RBL1: variants seen among roughly 807,000 people sequenced by gnomAD.
RBL1 encodes the protein RB transcriptional corepressor like 1.
A neutral mutation model predicts 123.0 loss-of-function variants in RBL1; 82 were observed. That is an observed-to-expected ratio of 0.67 (90% CI 0.56 to 0.80). The LOEUF (loss-of-function observed/expected upper bound fraction) is 0.80, where lower values mean the gene tolerates loss of function less well. Among genes scored for constraint, RBL1 ranks in the 30% least tolerant of loss-of-function variants. The pLI is 0.00. For synonymous variants in RBL1, 405 were observed against 441.3 expected (o/e 0.92, Z 1.03); for missense variants, 1,171 against 1,299.6 (o/e 0.90, Z 1.52).
chr20:37,077,113 GT>G (rs1389853725), intron 2 of RBL1, among the ~76,000 whole-genome samples: 1 of 151,836 alleles, frequency 6.6e-6, no homozygotes, highest in Admixed American at 6.6e-5. Context: ...ATTTTTTGTA[GT>G]TTTAGAGAGA....
At chr20:37,040,535 G>A (rs1486393557) in intron 13 of RBL1, among the ~76,000 whole-genome samples, 7 of 151,816 alleles carry the variant, frequency 4.6e-5, no homozygotes, top group Non-Finnish European at 8.8e-5. Flanking sequence ...GTATTTTTAG[G>A]AGAGACGAGG....
intron 13 of RBL1, among the ~76,000 whole-genome samples, chr20:37,041,637 T>A (rs1224573186): frequency 6.6e-6 from 1 of 152,166 alleles, no homozygotes; most frequent in African/African-American, 2.4e-5. Flanking sequence ...TTTTTATTTT[T>A]TAATTCTGAA....
In RBL1 at chr20:37,042,907, C is replaced by CAAAAAA. The variant is rs1245245162; in HGVS notation, c.1770+1173_1770+1178dup. ...GAGTGAGATCTTGTCCCCCCCCCTC[C>CAAAAAA]AAAAAAAAAAAAAAAAAAGTCAAAA... On this transcript the variant is annotated intron_variant, in intron 13 of 21. Transcript: ENST00000373664. Among the ~76,000 whole-genome samples, 2 of 53,320 alleles carry CAAAAAA rather than the reference C, an allele frequency of 3.8e-5. 1 individual carries two copies. The allele number at this position is 53,320 out of a possible 152,430, so 35.0% of individuals were successfully genotyped here. A position where few individuals can be genotyped will look rare whatever the true frequency, so the allele number is the denominator to read the frequency against.
intron 11 of RBL1, 137 bp from the exon 12 acceptor site, chr20:37,047,327 G>C (rs1328023898): frequency 2.9e-6 from 3 of 1,027,300 alleles, no homozygotes; most frequent in South Asian, 3.9e-5. Context: ...AAAAATTTGA[G>C]TTCTCAAATT....
At chr20:37,054,513 T>C (rs1366881878) in intron 11 of RBL1, among the ~76,000 whole-genome samples, 1 of 150,750 alleles carries the variant, frequency 6.6e-6, no homozygotes, top group Non-Finnish European at 1.5e-5. Flanking sequence ...TTAAAAAAAT[T>C]AAAATAAATA....
chr20:37,014,258 T>G (rs1402701688), intron 19 of RBL1, among the ~76,000 whole-genome samples: 1 of 152,006 alleles, frequency 6.6e-6, no homozygotes, highest in African/African-American at 2.4e-5. Flanking sequence ...AAAAAATTTT[T>G]TGTAGCAATA....
At chr20:37,050,444 C>T (rs2064889511) in intron 11 of RBL1, among the ~76,000 whole-genome samples, 1 of 142,662 alleles carries the variant, frequency 7.0e-6, no homozygotes, top group African/African-American at 2.6e-5. Context: ...ACTTGGGAGG[C>T]TGAGGCAGGA....
At chr20:37,070,775 G>A (rs6103479) in intron 2 of RBL1, among the ~76,000 whole-genome samples, 4,352 of 151,958 alleles carry the variant, frequency 0.029, 148 homozygotes, top group African/African-American at 0.082. Context: ...GCAAGCCACC[G>A]TGCCCAGGCC....
intron 19 of RBL1, among the ~76,000 whole-genome samples, chr20:37,010,888 G>A (rs2064138928): frequency 1.3e-5 from 2 of 152,082 alleles, no homozygotes; most frequent in Non-Finnish European, 1.5e-5. Context: ...CAATCATAGT[G>A]CACTCCAATC....
At chr20:37,013,423 T>C (rs1223983640) in intron 19 of RBL1, among the ~76,000 whole-genome samples, 1 of 151,042 alleles carries the variant, frequency 6.6e-6, no homozygotes. Flanking sequence ...CACTCCCTAA[T>C]CTCAAGTACC....
At chr20:37,046,147 A>C (rs1286961071) in intron 12 of RBL1, among the ~76,000 whole-genome samples, 1 of 152,238 alleles carries the variant, frequency 6.6e-6, no homozygotes, top group East Asian at 1.9e-4. Context: ...AACTTGGGGA[A>C]GAAGCATAAT....
At chr20:37,046,239 T>C (rs2064817327) in intron 12 of RBL1, among the ~76,000 whole-genome samples, 1 of 152,196 alleles carries the variant, frequency 6.6e-6, no homozygotes, top group African/African-American at 2.4e-5. Flanking sequence ...GCGTTTTTTG[T>C]TCTTCATCAT....
In RBL1 at chr20:37,067,980, G is replaced by A; in HGVS notation, c.491+6C>T. On this transcript the variant is annotated splice_donor_region_variant and intron_variant, in intron 3 of 21. Transcript: ENST00000373664. Reference sequence around the variant, plus strand: ...TATGTCAATTATATAAGGATTAAGGGCTCACCTCTGCTTCCGGCTTCGTGG... The same window carrying A: ...TATGTCAATTATATAAGGATTAAGGACTCACCTCTGCTTCCGGCTTCGTGG... 6.2e-7 allele frequency: 1 copy of A among 1,612,736 alleles called. No individual in the cohort carries two copies. Among genetic ancestry groups the A allele is most frequent in the East Asian group, 2.2e-5 (1 of 44,830 alleles).
Position 37,035,321 on chromosome 20 carries a change from TA to T in RBL1, c.2090del (p.Leu697TyrfsTer7). On this transcript the variant is annotated frameshift_variant, in exon 15 of 22. Transcript: ENST00000373664. LOFTEE classifies it high-confidence loss of function. The stretch of plus-strand genomic sequence containing the variant: ...CCATTGTTAGAAGAGTTTGACCAGG[TA>T]AAATTGATACATTTTCAGCAGTAAT... ...SSITAENVSI[L>X]PGQTLLTMAT... The T allele has an allele frequency of 6.2e-7, 1 of 1,614,064 alleles. No individual in the cohort carries two copies. The highest frequency in any genetic ancestry group is 8.5e-7 in the Non-Finnish European group (1 of 1,179,926).
intron 14 of RBL1, among the ~76,000 whole-genome samples, chr20:37,037,410 T>C (rs886404797): frequency 6.6e-6 from 1 of 152,176 alleles, no homozygotes; most frequent in Non-Finnish European, 1.5e-5. Context: ...AGTTATAAAT[T>C]ATATGAGAGG....
chr20:37,035,523 T>C lies in RBL1; in HGVS notation c.1904-15A>G. 1 of 1,523,440 alleles carries C rather than the reference T, an allele frequency of 6.6e-7. No individual in the cohort carries two copies. The highest frequency in any genetic ancestry group is 8.8e-7 in the Non-Finnish European group (1 of 1,135,210). 94.4% of individuals were successfully genotyped at this position (1,523,440 alleles called of 1,614,324 possible). A position where few individuals can be genotyped will look rare whatever the true frequency, so the allele number is the denominator to read the frequency against. On this transcript the variant is annotated splice_polypyrimidine_tract_variant and intron_variant, in intron 14 of 21. Coordinates refer to ENST00000373664, the MANE Select transcript of RBL1 (RefSeq NM_002895.5). Reference sequence around the variant, plus strand: ...TGGTTGCATATCTAAAAAAAAATAATAAATTTAAAACAGAAATGTATTCCA... The same window carrying C: ...TGGTTGCATATCTAAAAAAAAATAACAAATTTAAAACAGAAATGTATTCCA...
At chr20:37,067,661 T>G (rs2065199947) in intron 3 of RBL1, among the ~76,000 whole-genome samples, 1 of 148,638 alleles carries the variant, frequency 6.7e-6, no homozygotes, top group African/African-American at 2.5e-5. Flanking sequence ...TCCCAGCTAC[T>G]CAGGAGGCTA....
At chr20:37,066,925 A>T in intron 5 of RBL1, 41 bp from the exon 6 acceptor site, 1 of 1,596,040 alleles carries the variant, frequency 6.3e-7, no homozygotes. Context: ...AAAAAAAAAT[A>T]GTCAACTTTT....
In RBL1 at chr20:37,095,863, CTGTA is replaced by C; in HGVS notation, c.62_65del (p.Leu21ArgfsTer7). On this transcript the variant is annotated frameshift_variant, in exon 1 of 22. Transcript: ENST00000373664. LOFTEE classifies it high-confidence loss of function. ...CCAGGTTCAGCTCCTGGCACAGGGC[CTGTA>C]GCGCCTCCCCGGCTGCGGCGACCAC... 6.2e-7 allele frequency: 1 copy of C among 1,607,008 alleles called. No individual in the cohort carries two copies. Among genetic ancestry groups the C allele is most frequent in the South Asian group, 1.1e-5 (1 of 90,044 alleles).
Sources: allele counts gnomAD v4.1 joint callset (sites outside exome capture counted in the v4.1 genomes callset), GRCh38; gene constraint gnomAD v4.1.1; transcripts MANE v1.5; gene names NCBI Gene and HGNC (gene_info 2026-07-23, HGNC 2026-07-21).